RBM38: variants seen among roughly 807,000 people sequenced by gnomAD.
RBM38 encodes the protein RNA binding motif protein 38.
In RBM38, 11 loss-of-function variants were observed where a neutral mutation model predicts 23.5. The ratio of observed to expected loss-of-function variants is 0.47; its 90% CI spans 0.29 to 0.77. RBM38 has a LOEUF of 0.77. Ranked by LOEUF, RBM38 falls within the 30% of genes least tolerant of loss-of-function variation. The pLI, the probability that RBM38 is intolerant of heterozygous loss-of-function variation, is 0.08. For missense variants in RBM38, 330 were observed against 351.9 expected (o/e 0.94, Z 0.50); for synonymous variants, 165 against 166.1 (o/e 0.99, Z 0.05).
At chr20:57,392,159 G>C in intron 1 of RBM38, 1 of 270,160 alleles carries the variant, frequency 3.7e-6, no homozygotes, top group South Asian at 3.2e-5. Flanking sequence ...GAGGAGCAAT[G>C]GCTCCACCCC....
chr20:57,401,416 C>T (rs1226202763), intron 3 of RBM38, among the ~76,000 whole-genome samples: 1 of 152,232 alleles, frequency 6.6e-6, no homozygotes, highest in Non-Finnish European at 1.5e-5. Context: ...GCCCTGGCTG[C>T]TCAAGGCTGA....
chr20:57,392,447 C>T, intron 1 of RBM38: 3 of 1,531,284 alleles, frequency 2.0e-6, no homozygotes, highest in Non-Finnish European at 2.6e-6. Flanking sequence ...TGAACTTTGA[C>T]GGGAGGAGCT....
intron 3 of RBM38, 63 bp downstream of exon 3, chr20:57,393,396 G>A: frequency 6.6e-7 from 1 of 1,516,380 alleles, no homozygotes; most frequent in South Asian, 1.1e-5. Context: ...AGGGCCTTGG[G>A]CTTCCTGGGT....
chr20:57,407,971 G>A lies in RBM38; in HGVS notation c.*125G>A, dbSNP rs751410558. 105 of 1,235,848 alleles carry A rather than the reference G, an allele frequency of 8.5e-5. No homozygotes were observed. The highest frequency in any genetic ancestry group is 7.3e-4 in the Admixed American group (30 of 40,968). The allele number at this position is 1,235,848 out of a possible 1,614,324, so 76.6% of individuals were successfully genotyped here. A position where few individuals can be genotyped will look rare whatever the true frequency, so the allele number is the denominator to read the frequency against. On this transcript the variant is annotated 3_prime_UTR_variant, in exon 4 of 4. Coordinates refer to ENST00000356208, the MANE Select transcript of RBM38 (RefSeq NM_017495.6). The surrounding 1 kb of genome is among the most constrained non-coding windows in gnomAD (Gnocchi z 4.0). ...AGGTGCCACCAGCACCCGTGCCTCCGAAGACCGCTCGGGCATTCCGCCTGC... is the reference window on the plus strand; with the variant it reads ...AGGTGCCACCAGCACCCGTGCCTCCAAAGACCGCTCGGGCATTCCGCCTGC...
intron 2 of RBM38, 178 bp downstream of exon 2, chr20:57,392,955 G>C (rs2067236488): frequency 3.4e-6 from 3 of 873,754 alleles, no homozygotes; most frequent in Non-Finnish European, 5.2e-6. Flanking sequence ...CCTTCTCACA[G>C]CGTGTGGCCC....
chr20:57,392,269 T>C (rs2067227454), intron 1 of RBM38: 1 of 468,262 alleles, frequency 2.1e-6, no homozygotes, highest in Non-Finnish European at 3.8e-6. Context: ...GAAGACACTT[T>C]CCTGCTTACC....
At chr20:57,397,813 G>A (rs150997002) in intron 3 of RBM38, among the ~76,000 whole-genome samples, 2 of 152,328 alleles carry the variant, frequency 1.3e-5, no homozygotes, top group East Asian at 1.9e-4. Flanking sequence ...CACGGTCCCC[G>A]ATCTCGTGCT....
chr20:57,400,062 C>G (rs1226652104), intron 3 of RBM38: 1 of 449,394 alleles, frequency 2.2e-6, no homozygotes, highest in Admixed American at 2.4e-5. Flanking sequence ...CCACGGGGTT[C>G]TCAGACTCTG....
chr20:57,391,625 C>G lies in RBM38; in HGVS notation c.44C>G (p.Pro15Arg), dbSNP rs746746490. Residue 15 changes from proline (P) to arginine (R), a missense_variant, in exon 1 of 4, where the codon CCG becomes CGG. Physicochemically the swap from Pro to Arg is moderately radical, Grantham distance 103 (BLOSUM62 -2). Coordinates refer to ENST00000356208, the MANE Select transcript of RBM38 (RefSeq NM_017495.6). ...PAPCAPSAGF[P>R]RPLAAPGAMH... ...CCGTGCGCCCCGAGCGCGGGCTTCC[C>G]GCGGCCCCTGGCCGCCCCCGGCGCC... is the stretch of plus-strand genomic sequence containing the variant. 4.8e-6 allele frequency: 7 copies of G among 1,445,264 alleles called. No individual in the cohort carries two copies. In the South Asian group the frequency reaches 9.3e-5, roughly 19 times the overall value. The allele number at this position is 1,445,264 out of a possible 1,614,324, so 89.5% of individuals were successfully genotyped here. A position where few individuals can be genotyped will look rare whatever the true frequency, so the allele number is the denominator to read the frequency against.
intron 3 of RBM38, among the ~76,000 whole-genome samples, chr20:57,397,920 C>G (rs1212485515): frequency 6.6e-6 from 1 of 152,142 alleles, no homozygotes; most frequent in Non-Finnish European, 1.5e-5. Flanking sequence ...GGAACAGTTC[C>G]GCGTCTCGAG....
In RBM38 at chr20:57,401,266, C is replaced by T. The variant is rs543933928; in HGVS notation, c.417-6277C>T. ...AGATCCTCACAGCAGCCCCCTGGGG[C>T]GTGTGGTTCCCCAGAGGCAGTGATG... On this transcript the variant is annotated intron_variant, in intron 3 of 3. Transcript: ENST00000356208. 4.6e-5 allele frequency among the ~76,000 whole-genome samples: 7 copies of T among 152,196 alleles called. No individual in the cohort carries two copies. The South Asian group carries it at 6.2e-4, about 13-fold the overall frequency.
At chr20:57,397,112 C>G (rs1408553045) in intron 3 of RBM38, among the ~76,000 whole-genome samples, 1 of 152,234 alleles carries the variant, frequency 6.6e-6, no homozygotes, top group African/African-American at 2.4e-5. Flanking sequence ...CAGCCTGTCT[C>G]TGCAGGCTCC....
At chr20:57,399,470 G>A (rs1337511858) in intron 3 of RBM38, among the ~76,000 whole-genome samples, 2 of 152,164 alleles carry the variant, frequency 1.3e-5, no homozygotes, top group Non-Finnish European at 2.9e-5. Flanking sequence ...AAAGAACCTG[G>A]GAAAGAAAGA....
Position 57,408,138 on chromosome 20 carries a change from C to A in RBM38, c.*292C>A. The A allele has an allele frequency of 2.1e-6, 1 of 487,612 alleles. No individual in the cohort carries two copies. The highest frequency in any genetic ancestry group is 3.8e-6 in the Non-Finnish European group (1 of 265,968). 30.2% of individuals were successfully genotyped at this position (487,612 alleles called of 1,614,324 possible). ...CCATGGCAGCCTCTCCTTGCACCTT[C>A]TCCTGCCTCTCCACACTCCAGGTTC... On this transcript the variant is annotated 3_prime_UTR_variant, in exon 4 of 4. Coordinates refer to ENST00000356208, the MANE Select transcript of RBM38 (RefSeq NM_017495.6).
Position 57,407,796 on chromosome 20 carries a change from A to G in RBM38, c.670A>G (p.Thr224Ala), listed in dbSNP as rs771524419. The change falls in exon 4 of 4, where the codon ACT becomes GCT. Residue 224 changes from threonine to alanine, a missense_variant. This residue lies in a region of RBM38 where 227 missense variants were observed against 216.4 expected (regional missense o/e 1.05). Coordinates refer to ENST00000356208, the MANE Select transcript of RBM38 (RefSeq NM_017495.6). This position sits in a 1 kb window ranked among gnomAD's most constrained non-coding sequence, Gnocchi z 4.0. ...CTCAGCCGCAGCACCCGCGGGCACCACTTTCGTGCAGTACCAGGCGCCGCA... is the reference window on the plus strand; with the variant it reads ...CTCAGCCGCAGCACCCGCGGGCACCGCTTTCGTGCAGTACCAGGCGCCGCA... ...ALSAAAPAGT[T>A]FVQYQAPQLQ... 6.3e-7 allele frequency: 1 copy of G among 1,599,876 alleles called. No homozygotes were observed.
At chr20:57,396,736 C>T (rs1163570424) in intron 3 of RBM38, among the ~76,000 whole-genome samples, 3 of 152,188 alleles carry the variant, frequency 2.0e-5, no homozygotes, top group African/African-American at 7.2e-5. Flanking sequence ...AAAATGTCTC[C>T]AGACATTGCC....
At position 57,392,673 on chromosome 20, in the gene RBM38, C is replaced by T. The variant is rs547548656; in HGVS notation, c.257C>T (p.Ala86Val). Residue 86 changes from alanine (A) to valine (V), a missense_variant, in exon 2 of 4, where the codon GCG (alanine) becomes GTG (valine). Physicochemically the swap from Ala to Val is moderately conservative, Grantham distance 64. Around this residue, in one of 3 missense-constraint regions of RBM38, gnomAD observed 8 missense variants for 23.6 expected, o/e 0.34. Coordinates refer to ENST00000356208, the MANE Select transcript of RBM38 (RefSeq NM_017495.6). The part of the protein sequence containing the change: ...GYGFVTMADR[A>V]AAERACKDPN... Reference sequence around the variant, plus strand: ...CACCAGGTGACCATGGCCGACCGGGCGGCAGCTGAGAGGGCTTGCAAAGAC... The same window carrying T: ...CACCAGGTGACCATGGCCGACCGGGTGGCAGCTGAGAGGGCTTGCAAAGAC... 7.4e-6 allele frequency: 12 copies of T among 1,612,302 alleles called. No homozygotes were observed. The African/African-American group carries it at 1.3e-4, about 18-fold the overall frequency.
At position 57,393,304 on chromosome 20, in the gene RBM38, G is replaced by C. The variant is rs2067240322; in HGVS notation, c.387G>C (p.Leu129=). The C allele has an allele frequency of 6.2e-7, 1 of 1,613,860 alleles. No homozygotes were observed. Among genetic ancestry groups the C allele is most frequent in the Admixed American group, 1.7e-5 (1 of 60,020 alleles). Residue 129 remains leucine, a synonymous_variant, in exon 3 of 4, where the codon CTG becomes CTC. Transcript: ENST00000356208. The stretch of plus-strand genomic sequence containing the variant: ...GCTTTGCCATTGGGGTGCAGCAGCT[G>C]CACCCCACCTTGATCCAGCGGACTT... ...QTGFAIGVQQ[L]HPTLIQRTYG...
intron 1 of RBM38, chr20:57,392,387 A>G (rs1202565850): frequency 1.0e-5 from 15 of 1,504,658 alleles, no homozygotes; most frequent in East Asian, 5.2e-5. Flanking sequence ...TTTTTGCCCT[A>G]TCCCCGCAGG....
Sources: allele counts gnomAD v4.1 joint callset (sites outside exome capture counted in the v4.1 genomes callset), GRCh38; gene constraint gnomAD v4.1.1; regional missense constraint gnomAD v4.1.1; non-coding constraint Gnocchi (gnomAD v3.1); transcripts MANE v1.5; gene names NCBI Gene and HGNC (gene_info 2026-07-23, HGNC 2026-07-21).